The following SPAG9 variants were observed in gnomAD, a reference collection of about 807,000 sequenced individuals.
SPAG9 encodes the protein sperm associated antigen 9.
In SPAG9, 35 loss-of-function variants were observed where a neutral mutation model predicts 166.5. The observed-to-expected ratio is 0.21, with a 90% CI of 0.16 to 0.28. SPAG9 has a LOEUF of 0.28. Among genes scored for constraint, SPAG9 ranks in the 10% least tolerant of loss-of-function variants. The pLI, the probability that SPAG9 is intolerant of heterozygous loss-of-function variation, is 1.00. For missense variants in SPAG9, 1,235 were observed against 1,603.3 expected (o/e 0.77, Z 3.92); for synonymous variants, 534 against 565.5 (o/e 0.94, Z 0.79).
chr17:51,036,163 C>T (rs577909055), intron 5 of SPAG9, among the ~76,000 whole-genome samples: 12 of 152,122 alleles, frequency 7.9e-5, no homozygotes, highest in East Asian at 5.8e-4. Context: ...TAGCAACAAC[C>T]CAGTCTCTCC....
intron 1 of SPAG9, among the ~76,000 whole-genome samples, chr17:51,088,546 C>T (rs950815508): frequency 6.6e-6 from 1 of 152,160 alleles, no homozygotes; most frequent in African/African-American, 2.4e-5. Flanking sequence ...CCTGTAATCT[C>T]AGTACTTTGG....
intron 4 of SPAG9, chr17:51,046,450 A>C: frequency 2.2e-6 from 3 of 1,380,806 alleles, no homozygotes; most frequent in Non-Finnish European, 2.9e-6. Flanking sequence ...TTGAGCTAAA[A>C]ATTTAATAAA....
At chr17:51,030,016 C>G (rs1278187720) in intron 6 of SPAG9, among the ~76,000 whole-genome samples, 1 of 152,160 alleles carries the variant, frequency 6.6e-6, no homozygotes, top group Non-Finnish European at 1.5e-5. Context: ...TCATTACTTT[C>G]AGTTTCACTT....
chr17:51,099,330 G>C (rs913843757), intron 1 of SPAG9, among the ~76,000 whole-genome samples: 1 of 151,196 alleles, frequency 6.6e-6, no homozygotes. Flanking sequence ...CTACTTGGGA[G>C]GCTGAGGCAG....
chr17:51,076,709 C>T (rs892887470), intron 2 of SPAG9, among the ~76,000 whole-genome samples: 8 of 151,412 alleles, frequency 5.3e-5, no homozygotes, highest in Admixed American at 5.3e-4. Flanking sequence ...GCACTCCAGC[C>T]TGGGCGATAG....
chr17:51,098,087 G>C (rs1013953799), intron 1 of SPAG9, among the ~76,000 whole-genome samples: 1 of 152,092 alleles, frequency 6.6e-6, no homozygotes, highest in Non-Finnish European at 1.5e-5. Flanking sequence ...GCCTCCCAAA[G>C]CACTGGGATT....
intron 14 of SPAG9, among the ~76,000 whole-genome samples, chr17:50,998,991 T>C (rs1338792173): frequency 6.6e-6 from 1 of 152,262 alleles, no homozygotes. Flanking sequence ...GTTATGGCTG[T>C]GTGATGTGAA....
At position 50,995,479 on chromosome 17, in the gene SPAG9, G is replaced by A; in HGVS notation, c.2023C>T (p.Leu675Phe). 6.2e-7 allele frequency: 1 copy of A among 1,611,182 alleles called. No homozygotes were observed. Among genetic ancestry groups the A allele is most frequent in the Non-Finnish European group, 8.5e-7 (1 of 1,177,448 alleles). ...GTATCTTTTTCATCCAGAGGTCTGA[G>A]ATAGACAGGCACAGGTAAATTTTTC... ...KMKNLPVPVY[L>F]RPLDEKDTSM... Residue 675 changes from leucine to phenylalanine, a missense_variant, in exon 17 of 30, where the codon CTC (leucine) becomes TTC (phenylalanine). Coordinates refer to ENST00000262013, the MANE Select transcript of SPAG9 (RefSeq NM_001130528.3).
intron 20 of SPAG9, 68 bp downstream of exon 20, chr17:50,990,382 T>A (rs1975439700): frequency 5.2e-6 from 6 of 1,147,348 alleles, no homozygotes; most frequent in Non-Finnish European, 7.9e-6. Context: ...CTAAATTAAG[T>A]CCATAATGAG....
intron 1 of SPAG9, among the ~76,000 whole-genome samples, chr17:51,115,762 G>A (rs1455500129): frequency 2.6e-5 from 4 of 151,804 alleles, no homozygotes; most frequent in African/African-American, 9.7e-5. Flanking sequence ...CCCAGGAGGC[G>A]AAGGTTGCAG....
chr17:51,099,550 C>T (rs1201039711), intron 1 of SPAG9, among the ~76,000 whole-genome samples: 2 of 151,346 alleles, frequency 1.3e-5, no homozygotes, highest in African/African-American at 4.9e-5. Context: ...TCAGATTTCA[C>T]ATTTTCAGAC....
Position 50,989,852 on chromosome 17 carries a change from C to T in SPAG9, c.2638G>A (p.Glu880Lys). The T allele has an allele frequency of 3.1e-6, 5 of 1,614,098 alleles. No individual in the cohort carries two copies. The highest frequency in any genetic ancestry group is 4.2e-6 in the Non-Finnish European group (5 of 1,179,982). Residue 880 changes from glutamate (E) to lysine (K), a missense_variant, in exon 21 of 30, where the codon GAG (glutamate) becomes AAG (lysine). This residue lies in a region of SPAG9 where 493 missense variants were observed against 559.4 expected (regional missense o/e 0.88). Coordinates refer to ENST00000262013, the MANE Select transcript of SPAG9 (RefSeq NM_001130528.3). Reference sequence around the variant, plus strand: ...GCTGTTGGAACATTTTCATCAACCTCACTATTTTCTGCTTCCATTTCTACA... The same window carrying T: ...GCTGTTGGAACATTTTCATCAACCTTACTATTTTCTGCTTCCATTTCTACA... The part of the protein sequence containing the change: ...KPPEMEAENS[E>K]VDENVPTAEE...
chr17:51,088,640 CA>C (rs1568075951), intron 1 of SPAG9, among the ~76,000 whole-genome samples: 1 of 151,762 alleles, frequency 6.6e-6, no homozygotes, highest in African/African-American at 2.4e-5. Context: ...ACTAAAAATA[CA>C]AAAAAAATTA....
At chr17:51,071,604 A>G (rs948855683) in intron 2 of SPAG9, among the ~76,000 whole-genome samples, 3 of 152,208 alleles carry the variant, frequency 2.0e-5, no homozygotes, top group Admixed American at 1.3e-4. Flanking sequence ...GTTAAAAAAC[A>G]TATTATAGAC....
At chr17:51,061,019 TG>T (rs1248088743) in intron 2 of SPAG9, among the ~76,000 whole-genome samples, 3 of 151,682 alleles carry the variant, frequency 2.0e-5, no homozygotes, top group Non-Finnish European at 4.4e-5. Flanking sequence ...AGCTAATTTT[TG>T]TATTTTTAGT....
chr17:51,120,779 G>A lies in SPAG9; in HGVS notation c.-123C>T, dbSNP rs1193260914. On this transcript the variant is annotated 5_prime_UTR_variant, in exon 1 of 30. Coordinates refer to ENST00000262013, the MANE Select transcript of SPAG9 (RefSeq NM_001130528.3). This position sits in a 1 kb window ranked among gnomAD's most constrained non-coding sequence, Gnocchi z 4.7. ...AGGGCTGGAGCCCGGGCCGGGGCTG[G>A]GGCTGGGCCCGGCGGGGTGGGGGCC... The A allele has an allele frequency of 2.6e-6, 2 of 782,940 alleles. No individual in the cohort carries two copies. Among genetic ancestry groups the A allele is most frequent in the Non-Finnish European group, 3.6e-6 (2 of 549,870 alleles). 48.5% of individuals were successfully genotyped at this position (782,940 alleles called of 1,614,324 possible).
intron 3 of SPAG9, among the ~76,000 whole-genome samples, chr17:51,051,752 C>A (rs1165051031): frequency 2.0e-5 from 3 of 152,122 alleles, no homozygotes; most frequent in Non-Finnish European, 4.4e-5. Context: ...TCTGACAAAC[C>A]TGGCTTCAAA....
At chr17:51,113,353 C>CAAAAA (rs34917845) in intron 1 of SPAG9, among the ~76,000 whole-genome samples, 5 of 95,872 alleles carry the variant, frequency 5.2e-5, no homozygotes, top group South Asian at 7.5e-4. Flanking sequence ...AATGCCATAT[C>CAAAAA]AAAAAAAAAA....
intron 8 of SPAG9, among the ~76,000 whole-genome samples, chr17:51,015,922 T>C (rs1382334204): frequency 6.6e-6 from 1 of 152,060 alleles, no homozygotes; most frequent in African/African-American, 2.4e-5. Context: ...AATGTTCAGA[T>C]GAAAAGACTT....
Sources: allele counts gnomAD v4.1 joint callset (sites outside exome capture counted in the v4.1 genomes callset), GRCh38; gene constraint gnomAD v4.1.1; regional missense constraint gnomAD v4.1.1; non-coding constraint Gnocchi (gnomAD v3.1); transcripts MANE v1.5; gene names NCBI Gene and HGNC (gene_info 2026-07-23, HGNC 2026-07-21).